GPBP1L1: variants seen among roughly 807,000 people sequenced by gnomAD.
GPBP1L1 encodes vasculin-like protein 1.
A neutral mutation model predicts 52.5 loss-of-function variants in GPBP1L1; 23 were observed. The ratio of observed to expected loss-of-function variants is 0.44; its 90% CI spans 0.32 to 0.62. The LOEUF is 0.62. Ranked by LOEUF, GPBP1L1 falls within the 20% of genes least tolerant of loss-of-function variation. The pLI is 0.06. For synonymous variants in GPBP1L1, 243 were observed against 203.1 expected (o/e 1.20, Z -1.67); for missense variants, 596 against 579.3 (o/e 1.03, Z -0.30).
chr1:45,687,180 G>A (rs1645301468), upstream of GPBP1L1: 1 of 152,268 alleles, frequency 6.6e-6, no homozygotes, highest in Admixed American at 6.5e-5. Context: ...TTCCCCTGGA[G>A]CGCAGGCGTC....
chr1:45,656,015 T>G (rs1644880839), intron 4 of GPBP1L1: 1 of 152,284 alleles, frequency 6.6e-6, no homozygotes. Context: ...CAAGCAATCC[T>G]CCTGCCTTGG....
chr1:45,671,209 CT>C (rs5773890), intron 2 of GPBP1L1, among the ~76,000 whole-genome samples: 28,557 of 98,896 alleles, frequency 0.29, 1,664 homozygotes, highest in East Asian at 0.43. Flanking sequence ...GGCTCTCTGG[CT>C]TTTTTTTTTT....
intron 2 of GPBP1L1, among the ~76,000 whole-genome samples, chr1:45,679,546 C>T (rs1490570230): frequency 6.6e-6 from 1 of 152,112 alleles, no homozygotes; most frequent in African/African-American, 2.4e-5. Context: ...TGTGTGCACC[C>T]AACCTTTCCA....
rs776688368 is a variant in GPBP1L1, at chr1:45,634,256, AAATC to A, written c.745-24_745-21del. ...ATTAGGCTACACAGGGTGAAAGAACAAATCAGTCAGAACAAGCACACAAACAGAA... is the reference window on the plus strand; with the variant it reads ...ATTAGGCTACACAGGGTGAAAGAACAAGTCAGAACAAGCACACAAACAGAA... On this transcript the variant is annotated intron_variant, in intron 8 of 12. Coordinates refer to ENST00000355105, the MANE Select transcript of GPBP1L1 (RefSeq NM_021639.5). 6.3e-7 allele frequency: 1 copy of A among 1,592,998 alleles called. No homozygotes were observed. The highest frequency in any genetic ancestry group is 8.6e-7 in the Non-Finnish European group (1 of 1,167,268).
Position 45,640,227 on chromosome 1 carries a change from C to G in GPBP1L1, c.727G>C (p.Val243Leu), listed in dbSNP as rs1644653490. Residue 243 changes from valine to leucine, a missense_variant, in exon 8 of 13, where the codon GTA (valine) becomes CTA (leucine). Transcript: ENST00000355105. ...SVYKNLVPKP[V>L]PPPSKPNAWK... ...AATCATACCTTGGAAGGAGGTGGTACAGGCTTAGGAACCAGGTTCTTATAG... is the reference window on the plus strand; with the variant it reads ...AATCATACCTTGGAAGGAGGTGGTAGAGGCTTAGGAACCAGGTTCTTATAG... The G allele has an allele frequency of 6.2e-7, 1 of 1,613,780 alleles. No homozygotes were observed. The highest frequency in any genetic ancestry group is 1.1e-5 in the South Asian group (1 of 91,066).
At chr1:45,632,409 T>TA (rs1312758819) in intron 10 of GPBP1L1, among the ~76,000 whole-genome samples, 1 of 151,720 alleles carries the variant, frequency 6.6e-6, no homozygotes, top group Non-Finnish European at 1.5e-5. Context: ...TCTCAAAAAA[T>TA]AAAGTAATAC....
At chr1:45,658,099 C>T (rs773316715) in intron 4 of GPBP1L1, among the ~76,000 whole-genome samples, 8 of 152,174 alleles carry the variant, frequency 5.3e-5, no homozygotes, top group Non-Finnish European at 1.0e-4. Flanking sequence ...TGTACTGTGA[C>T]TAGGTCTGCT....
chr1:45,679,792 C>CG (rs1469932139), intron 2 of GPBP1L1, among the ~76,000 whole-genome samples: 1 of 151,300 alleles, frequency 6.6e-6, no homozygotes, highest in Non-Finnish European at 1.5e-5. Flanking sequence ...GTGGCTCATG[C>CG]CTGTAATCCC....
chr1:45,651,319 T>G (rs1270939041), intron 6 of GPBP1L1: 1 of 380,890 alleles, frequency 2.6e-6, no homozygotes, highest in Non-Finnish European at 5.0e-6. Context: ...ACAGGGCAGG[T>G]AGGAAGACAA....
At chr1:45,670,503 A>C (rs1262212927) in intron 2 of GPBP1L1, among the ~76,000 whole-genome samples, 2 of 152,124 alleles carry the variant, frequency 1.3e-5, no homozygotes, top group African/African-American at 4.8e-5. Flanking sequence ...TCTTGTTTGT[A>C]ACAGTTCTTC....
At chr1:45,654,223 T>C (rs1644855579) in intron 6 of GPBP1L1, 1 of 196,252 alleles carries the variant, frequency 5.1e-6, no homozygotes, top group Non-Finnish European at 1.0e-5. Context: ...TTATCATAGT[T>C]GGAAAAAAGA....
At chr1:45,644,968 T>C (rs751688772) in intron 6 of GPBP1L1, among the ~76,000 whole-genome samples, 7 of 152,230 alleles carry the variant, frequency 4.6e-5, no homozygotes, top group Non-Finnish European at 7.3e-5. Flanking sequence ...GTAGGTATCA[T>C]TGTGAATTCA....
rs1644875258 is a variant in GPBP1L1, at chr1:45,655,514, A to G, written c.61-195T>C. The G allele has an allele frequency of 1.7e-5, 8 of 479,504 alleles. No individual in the cohort carries two copies. The East Asian group carries it at 2.9e-4, about 17-fold the overall frequency. 29.7% of individuals were successfully genotyped at this position (479,504 alleles called of 1,614,324 possible). ...GTCCTAGGTTATATATTCAATTGCTAATTCACTTCCTTTATTCCAGGAGAG... is the reference window on the plus strand; with the variant it reads ...GTCCTAGGTTATATATTCAATTGCTGATTCACTTCCTTTATTCCAGGAGAG... On this transcript the variant is annotated intron_variant, in intron 4 of 12. Transcript: ENST00000355105.
chr1:45,640,119 T>C, intron 8 of GPBP1L1, 91 bp downstream of exon 8: 1 of 923,596 alleles, frequency 1.1e-6, no homozygotes, highest in Non-Finnish European at 1.7e-6. Flanking sequence ...TGGTGACTGA[T>C]GCGGCAAGAA....
At chr1:45,648,661 A>C (rs1245383147) in intron 6 of GPBP1L1, among the ~76,000 whole-genome samples, 1 of 152,156 alleles carries the variant, frequency 6.6e-6, no homozygotes, top group Non-Finnish European at 1.5e-5. Flanking sequence ...TTTTGCTTTG[A>C]CGTAGATGGC....
chr1:45,633,036 C>A (rs1001713107), intron 10 of GPBP1L1, among the ~76,000 whole-genome samples: 1 of 152,194 alleles, frequency 6.6e-6, no homozygotes, highest in Admixed American at 6.5e-5. Context: ...GGTGTAGCAA[C>A]AGAAATTCTC....
chr1:45,655,246 CGG>C lies in GPBP1L1; in HGVS notation c.132_133del (p.Arg45SerfsTer3). ...AAAACCATCAGAGGAATTATGTCGA[CGG>C]CGGCTTACTCCAAATCTACCTTCTC... On this transcript the variant is annotated frameshift_variant, in exon 5 of 13. Transcript: ENST00000355105. LOFTEE classifies it high-confidence loss of function. The C allele has an allele frequency of 6.2e-7, 1 of 1,614,122 alleles. No homozygotes were observed.
intron 2 of GPBP1L1, among the ~76,000 whole-genome samples, chr1:45,661,713 A>G (rs535777002): frequency 6.6e-6 from 1 of 152,266 alleles, no homozygotes; most frequent in South Asian, 2.1e-4. Flanking sequence ...TTGGCCTCCC[A>G]AAGTGCTGGG....
At chr1:45,648,461 G>A (rs1050493538) in intron 6 of GPBP1L1, among the ~76,000 whole-genome samples, 10 of 152,124 alleles carry the variant, frequency 6.6e-5, no homozygotes, top group Non-Finnish European at 1.0e-4. Context: ...CCGATTAACT[G>A]CTGCTCTTCT....
Sources: allele counts gnomAD v4.1 joint callset (sites outside exome capture counted in the v4.1 genomes callset), GRCh38; gene constraint gnomAD v4.1.1; transcripts MANE v1.5; gene names NCBI Gene and HGNC (gene_info 2026-07-23, HGNC 2026-07-21).